The following CTNNA2 variants were observed in gnomAD, a reference collection of about 807,000 sequenced individuals.
CTNNA2 encodes the protein catenin alpha-2.
CTNNA2 carries 42 observed loss-of-function variants against 101.0 expected under a neutral mutation model. The observed-to-expected ratio is 0.42, with a 90% CI of 0.32 to 0.54. The LOEUF (loss-of-function observed/expected upper bound fraction) is 0.54, where lower values mean the gene tolerates loss of function less well. CTNNA2 is among the 20% of genes least tolerant of loss of function. The pLI is 0.14. For synonymous variants in CTNNA2, 450 were observed against 456.4 expected (o/e 0.99, Z 0.18); for missense variants, 871 against 1,223.1 (o/e 0.71, Z 4.29).
At chr2:79,824,924 T>G (rs1678299785) in intron 3 of CTNNA2, among the ~76,000 whole-genome samples, 1 of 152,182 alleles carries the variant, frequency 6.6e-6, no homozygotes, top group Non-Finnish European at 1.5e-5. Flanking sequence ...GGCATAGTAG[T>G]TCACACCTGT....
At chr2:79,632,399 A>G (rs1264591114) in intron 1 of CTNNA2, among the ~76,000 whole-genome samples, 5 of 152,216 alleles carry the variant, frequency 3.3e-5, no homozygotes, top group African/African-American at 1.2e-4. Context: ...TTTAATGAAA[A>G]AAAATCCTCT....
chr2:80,433,281 A>G (rs905693422), intron 9 of CTNNA2, among the ~76,000 whole-genome samples: 1 of 152,062 alleles, frequency 6.6e-6, no homozygotes, highest in African/African-American at 2.4e-5. Flanking sequence ...TGGCTGGCCA[A>G]CGTCTTAGCC....
At chr2:80,306,285 T>G (rs1461802466) in intron 7 of CTNNA2, among the ~76,000 whole-genome samples, 1 of 152,138 alleles carries the variant, frequency 6.6e-6, no homozygotes, top group Non-Finnish European at 1.5e-5. Context: ...CCCCTTAATT[T>G]TGCACGTGAC....
intron 3 of CTNNA2, among the ~76,000 whole-genome samples, chr2:79,804,652 T>A (rs1676428409): frequency 1.3e-5 from 2 of 151,954 alleles, no homozygotes; most frequent in Non-Finnish European, 2.9e-5. Context: ...AACCTACTAT[T>A]TTTTTTATAT....
chr2:80,594,760 C>A (rs1696799736), intron 15 of CTNNA2, among the ~76,000 whole-genome samples: 1 of 151,888 alleles, frequency 6.6e-6, no homozygotes, highest in South Asian at 2.1e-4. Context: ...AAAACACTGC[C>A]CTTTTCCAAG....
At chr2:79,925,207 G>A (rs565339064) in intron 7 of CTNNA2, among the ~76,000 whole-genome samples, 1 of 152,062 alleles carries the variant, frequency 6.6e-6, no homozygotes, top group Admixed American at 6.6e-5. Flanking sequence ...TACGATTGCT[G>A]TTTTTTCCTC....
In CTNNA2 at chr2:79,986,055, T is replaced by C. The variant is rs577471721; in HGVS notation, c.1056+76258T>C. ...AGTACATGGGATAGGTGAGTTTGCT[T>C]TGAAGGGCATATTTTGACTCTATGA... On this transcript the variant is annotated intron_variant, in intron 7 of 18. Coordinates refer to ENST00000402739, the MANE Select transcript of CTNNA2 (RefSeq NM_001282597.3). Among the ~76,000 whole-genome samples the C allele has an allele frequency of 4.6e-5, 7 of 152,304 alleles. No individual in the cohort carries two copies. The South Asian group carries it at 1.5e-3, about 32-fold the overall frequency.
intron 15 of CTNNA2, among the ~76,000 whole-genome samples, chr2:80,594,783 G>A (rs1208687047): frequency 6.6e-6 from 1 of 151,810 alleles, no homozygotes; most frequent in Non-Finnish European, 1.5e-5. Flanking sequence ...CCAAATCTTA[G>A]CAAAAATCTT....
intron 3 of CTNNA2, among the ~76,000 whole-genome samples, chr2:79,812,583 A>T (rs1328170296): frequency 2.6e-5 from 4 of 152,202 alleles, no homozygotes; most frequent in African/African-American, 4.8e-5. Flanking sequence ...AAGAAACCTT[A>T]TGATCTCACC....
chr2:80,376,122 T>C (rs1250557114), intron 7 of CTNNA2, among the ~76,000 whole-genome samples: 1 of 152,040 alleles, frequency 6.6e-6, no homozygotes, highest in African/African-American at 2.4e-5. Flanking sequence ...CCCTCCCACA[T>C]CTCTACCATT....
chr2:79,888,268 A>G (rs761702728), intron 6 of CTNNA2, among the ~76,000 whole-genome samples: 1 of 152,198 alleles, frequency 6.6e-6, no homozygotes, highest in Non-Finnish European at 1.5e-5. Context: ...GGACCAGGTT[A>G]GGCATCATCG....
chr2:80,269,002 C>A (rs1673234127), intron 7 of CTNNA2, among the ~76,000 whole-genome samples: 1 of 152,158 alleles, frequency 6.6e-6, no homozygotes, highest in Admixed American at 6.5e-5. Context: ...TATTTCAATG[C>A]AGTAGTCAAA....
intron 3 of CTNNA2, among the ~76,000 whole-genome samples, chr2:79,791,857 A>G (rs1675296712): frequency 6.6e-6 from 1 of 152,172 alleles, no homozygotes; most frequent in African/African-American, 2.4e-5. Context: ...AATTTGGACA[A>G]TGAGCTGTCA....
intron 7 of CTNNA2, among the ~76,000 whole-genome samples, chr2:80,146,598 T>C (rs1343157945): frequency 6.6e-6 from 1 of 152,070 alleles, no homozygotes; most frequent in Non-Finnish European, 1.5e-5. Flanking sequence ...TACTTGAGTC[T>C]AGATTTGGAC....
intron 3 of CTNNA2, among the ~76,000 whole-genome samples, chr2:79,823,517 C>G (rs1389776406): frequency 3.3e-5 from 5 of 150,748 alleles, no homozygotes; most frequent in African/African-American, 1.2e-4. Flanking sequence ...GACCCCATCT[C>G]AAAAAAAAGA....
At chr2:80,324,362 A>G (rs1679027081) in intron 7 of CTNNA2, among the ~76,000 whole-genome samples, 1 of 152,084 alleles carries the variant, frequency 6.6e-6, no homozygotes, top group Admixed American at 6.5e-5. Context: ...TTCTGCTTCC[A>G]TGCTGAGCTC....
At chr2:79,395,363 G>T (rs912768416) in intron 4 of CTNNA2, among the ~76,000 whole-genome samples, 14 of 151,802 alleles carry the variant, frequency 9.2e-5, no homozygotes, top group Non-Finnish European at 1.6e-4. Flanking sequence ...TTAGCATTAG[G>T]TATATCTCCT....
In CTNNA2 at chr2:80,301,311, C is replaced by T. The variant is rs116616912; in HGVS notation, c.1057-91900C>T. 5.6e-3 allele frequency among the ~76,000 whole-genome samples: 847 copies of T among 152,274 alleles called. 8 individuals carry two copies. Among genetic ancestry groups the T allele is most frequent in the African/African-American group, 0.02 (824 of 41,550 alleles). On this transcript the variant is annotated intron_variant, in intron 7 of 18. Transcript: ENST00000402739. ...CGGGATTCTGCCTCCTTCCCCTCAGCCAGACCAAAGAGAGCAGTGAGCTGA... is the reference window on the plus strand; with the variant it reads ...CGGGATTCTGCCTCCTTCCCCTCAGTCAGACCAAAGAGAGCAGTGAGCTGA...
chr2:80,257,046 C>A (rs900258628), intron 7 of CTNNA2, among the ~76,000 whole-genome samples: 4 of 152,016 alleles, frequency 2.6e-5, no homozygotes, highest in African/African-American at 7.2e-5. Context: ...TAGTTAAAAT[C>A]GACGTATCAT....
Sources: allele counts gnomAD v4.1 joint callset (sites outside exome capture counted in the v4.1 genomes callset), GRCh38; gene constraint gnomAD v4.1.1; transcripts MANE v1.5; gene names NCBI Gene and HGNC (gene_info 2026-07-23, HGNC 2026-07-21).